Variants in PSD3 observed in about 807,000 individuals in gnomAD.
The protein encoded by PSD3 is PH and SEC7 domain-containing protein 3.
In PSD3, 49 loss-of-function variants were observed where a neutral mutation model predicts 105.5. The observed-to-expected ratio is 0.46, with a 90% confidence interval of 0.37 to 0.59. PSD3 has a LOEUF of 0.59. Among genes scored for constraint, PSD3 ranks in the 20% least tolerant of loss-of-function variants. The pLI is 0.00. For synonymous variants in PSD3, 557 were observed against 457.8 expected (o/e 1.22, Z -2.77); for missense variants, 1,561 against 1,263.8 (o/e 1.24, Z -3.57).
chr8:18,885,484 A>G (rs1327084625), intron 2 of PSD3, among the ~76,000 whole-genome samples: 1 of 152,204 alleles, frequency 6.6e-6, no homozygotes, highest in Non-Finnish European at 1.5e-5. Flanking sequence ...TCTTTTAAAA[A>G]ATAATCATGA....
At position 19,072,618 on chromosome 8, in the gene PSD3, C is replaced by T. The variant is rs573698082; in HGVS notation, c.324+11588G>A. The stretch of plus-strand genomic sequence containing the variant: ...GAGAAAAGAGAGAAAACCCAGGCCA[C>T]GGGCTCCCAGCTGCTCAAATGCAAC... On this transcript the variant is annotated intron_variant, in intron 1 of 1. Transcript: ENST00000521475. 7.2e-5 allele frequency among the ~76,000 whole-genome samples: 11 copies of T among 152,234 alleles called. No homozygotes were observed. In the South Asian group the frequency reaches 1.4e-3, roughly 20 times the overall value.
At chr8:19,001,016 A>C (rs923067625) in intron 1 of PSD3, 3 of 151,968 alleles carry the variant, frequency 2.0e-5, no homozygotes, top group African/African-American at 7.3e-5. Context: ...ATGAGTAAGA[A>C]GGAACTAAGC....
At chr8:18,874,992 C>G (rs182496124) in intron 2 of PSD3, among the ~76,000 whole-genome samples, 1 of 152,124 alleles carries the variant, frequency 6.6e-6, no homozygotes, top group Non-Finnish European at 1.5e-5. Context: ...CATAGCTCAC[C>G]GCAGCCTCGA....
At chr8:18,953,763 G>C (rs1488143346) in intron 1 of PSD3, among the ~76,000 whole-genome samples, 3 of 151,570 alleles carry the variant, frequency 2.0e-5, no homozygotes, top group African/African-American at 4.9e-5. Context: ...GAAAAGAAAA[G>C]AAAAGAAATG....
intron 1 of PSD3, among the ~76,000 whole-genome samples, chr8:19,076,083 T>G (rs1829455548): frequency 7.3e-6 from 1 of 137,350 alleles, no homozygotes; most frequent in Non-Finnish European, 1.6e-5. Flanking sequence ...AAAAGATAGG[T>G]TGTTATGGAG....
At chr8:18,948,031 T>G (rs6991374) in intron 1 of PSD3, among the ~76,000 whole-genome samples, 1 of 152,006 alleles carries the variant, frequency 6.6e-6, no homozygotes, top group Non-Finnish European at 1.5e-5. Flanking sequence ...CTATTATGAG[T>G]TCACAGCATA....
intron 11 of PSD3, among the ~76,000 whole-genome samples, chr8:18,606,550 A>G (rs1804847641): frequency 6.6e-6 from 1 of 152,220 alleles, no homozygotes; most frequent in Non-Finnish European, 1.5e-5. Context: ...TAGATTCTCT[A>G]TTGCATTTTT....
At chr8:18,665,518 G>A (rs776844877) in intron 9 of PSD3, among the ~76,000 whole-genome samples, 5 of 152,238 alleles carry the variant, frequency 3.3e-5, no homozygotes, top group Non-Finnish European at 5.9e-5. Context: ...TACCCCCGGT[G>A]AAGATGCTAT....
rs751243942 is a variant in PSD3, at chr8:18,535,942, A to T, written c.2945T>A (p.Met982Lys). ...TCCTTCCTTGAGAATGCTGACATAC[A>T]TTTCATAGCGGGTTTTCTGAAGGCA... ...YLEFEKTRYEMYVSILKEGGK... is the reference protein window; with the variant it reads ...YLEFEKTRYEKYVSILKEGGK... Residue 982 changes from methionine to lysine, a missense_variant, in exon 16 of 16, where the codon ATG (methionine) becomes AAG (lysine). Transcript: ENST00000327040. The T allele has an allele frequency of 1.2e-6, 2 of 1,614,086 alleles. No individual in the cohort carries two copies. Among genetic ancestry groups the T allele is most frequent in the African/African-American group, 2.7e-5 (2 of 75,038 alleles).
chr8:18,891,153 G>C (rs1417446321), intron 2 of PSD3, among the ~76,000 whole-genome samples: 4 of 151,998 alleles, frequency 2.6e-5, no homozygotes, highest in African/African-American at 9.7e-5. Context: ...TAGATATCAG[G>C]TATACCTAAA....
intron 1 of PSD3, among the ~76,000 whole-genome samples, chr8:19,044,465 C>G (rs946359347): frequency 3.9e-5 from 6 of 152,176 alleles, no homozygotes; most frequent in Non-Finnish European, 8.8e-5. Context: ...ATTGACTAAT[C>G]TGTAAATGTG....
intron 11 of PSD3, among the ~76,000 whole-genome samples, chr8:18,606,654 A>G (rs2410577): frequency 0.73 from 111,075 of 151,954 alleles, 40,800 homozygotes; most frequent in East Asian, 0.83. Context: ...GATATTGCAG[A>G]GTGAGAACAA....
At chr8:19,040,168 G>C (rs1408911118) in intron 1 of PSD3, among the ~76,000 whole-genome samples, 2 of 152,190 alleles carry the variant, frequency 1.3e-5, no homozygotes, top group African/African-American at 2.4e-5. Context: ...CTAGGCCTCA[G>C]AGGCCATGGT....
intron 9 of PSD3, among the ~76,000 whole-genome samples, chr8:18,752,811 T>C (rs1378884909): frequency 6.7e-6 from 1 of 148,832 alleles, no homozygotes; most frequent in Admixed American, 6.9e-5. Context: ...CTTTCATTGC[T>C]GTTTTTGGGA....
chr8:19,049,804 T>C (rs553024010), intron 1 of PSD3, among the ~76,000 whole-genome samples: 7 of 151,904 alleles, frequency 4.6e-5, no homozygotes, highest in African/African-American at 9.7e-5. Context: ...TGAGCCTGCA[T>C]TGATTAGTGA....
chr8:18,575,202 G>A lies in PSD3; in HGVS notation c.2565C>T (p.Ala855=), dbSNP rs1227278129. The change falls in exon 13 of 16, where the codon GCC becomes GCT. Residue 855 remains alanine, a synonymous_variant. Transcript: ENST00000327040. ...CGTTTGGTTTCTTCTCATAGTCCGT[G>A]GCCTTGGATGCCAATGCGTGGTGCA... ...VSVHHALASK[A]TDYEKKPNVF... 6.2e-7 allele frequency: 1 copy of A among 1,613,750 alleles called. No individual in the cohort carries two copies. The highest frequency in any genetic ancestry group is 8.5e-7 in the Non-Finnish European group (1 of 1,179,896).
chr8:18,616,817 G>A (rs1585400712), intron 11 of PSD3, among the ~76,000 whole-genome samples: 1 of 151,282 alleles, frequency 6.6e-6, no homozygotes, highest in African/African-American at 2.4e-5. Context: ...TAGAGACGGG[G>A]TTTCACCGTT....
intron 4 of PSD3, among the ~76,000 whole-genome samples, chr8:18,860,337 T>C (rs997868584): frequency 9.2e-5 from 14 of 151,562 alleles, no homozygotes; most frequent in African/African-American, 2.9e-4. Flanking sequence ...AATGAAAAAG[T>C]CTGAAATATT....
intron 4 of PSD3, among the ~76,000 whole-genome samples, chr8:18,845,237 A>G (rs1451614932): frequency 6.6e-6 from 1 of 152,130 alleles, no homozygotes; most frequent in Non-Finnish European, 1.5e-5. Context: ...TTATGAGTTA[A>G]AGGGTATTGA....
Sources: allele counts gnomAD v4.1 joint callset (sites outside exome capture counted in the v4.1 genomes callset), GRCh38; gene constraint gnomAD v4.1.1; transcripts MANE v1.5; gene names NCBI Gene and HGNC (gene_info 2026-07-23, HGNC 2026-07-21).